AP3D1: variants seen among roughly 807,000 people sequenced by gnomAD.
AP3D1 encodes the protein adaptor related protein complex 3 subunit delta 1.
In AP3D1, 51 loss-of-function variants were observed where a neutral mutation model predicts 147.6. That is an observed-to-expected ratio of 0.35 (90% CI 0.28 to 0.44). The LOEUF is 0.44. Among genes scored for constraint, AP3D1 ranks in the 20% least tolerant of loss-of-function variants. The pLI is 1.00. For synonymous variants in AP3D1, 760 were observed against 663.0 expected (o/e 1.15, Z -2.25); for missense variants, 1,421 against 1,624.2 (o/e 0.87, Z 2.15).
chr19:2,106,675 G>T (rs1414285103), intron 31 of AP3D1, among the ~76,000 whole-genome samples: 1 of 152,162 alleles, frequency 6.6e-6, no homozygotes, highest in Non-Finnish European at 1.5e-5. Context: ...TGGATGAGTG[G>T]ACACACAGCA....
intron 31 of AP3D1, among the ~76,000 whole-genome samples, chr19:2,104,604 G>C (rs1180332163): frequency 6.6e-6 from 1 of 151,084 alleles, no homozygotes; most frequent in Non-Finnish European, 1.5e-5. Flanking sequence ...CCAACGTGCA[G>C]ACCCCAACAC....
At chr19:2,115,865 G>A (rs958630286) in intron 18 of AP3D1, among the ~76,000 whole-genome samples, 17 of 152,220 alleles carry the variant, frequency 1.1e-4, no homozygotes, top group Admixed American at 8.5e-4. Context: ...GCAAATCCTC[G>A]TTCACTTTTT....
chr19:2,140,966 C>T (rs902456702), intron 1 of AP3D1, among the ~76,000 whole-genome samples: 4 of 151,912 alleles, frequency 2.6e-5, no homozygotes, highest in African/African-American at 9.7e-5. Flanking sequence ...GCCACGTTGG[C>T]CAGGCTGGTC....
At chr19:2,135,970 G>A (rs2019065462) in intron 4 of AP3D1, among the ~76,000 whole-genome samples, 1 of 149,824 alleles carries the variant, frequency 6.7e-6, no homozygotes. Flanking sequence ...CTGCTACACG[G>A]CCACGACCCA....
At chr19:2,162,013 A>G (rs1340708675) in intron 1 of AP3D1, among the ~76,000 whole-genome samples, 2 of 151,256 alleles carry the variant, frequency 1.3e-5, no homozygotes, top group African/African-American at 4.8e-5. Flanking sequence ...CTTTCCAACA[A>G]CAAAGAAAAA....
intron 2 of AP3D1, among the ~76,000 whole-genome samples, chr19:2,138,340 G>A (rs960806064): frequency 6.6e-6 from 1 of 152,208 alleles, no homozygotes; most frequent in Non-Finnish European, 1.5e-5. Context: ...GACTGCAGGC[G>A]AGGGGCGTCC....
chr19:2,158,435 C>A lies in AP3D1; in HGVS notation c.-103+5921G>T, dbSNP rs191010136. Among the ~76,000 whole-genome samples, 297 of 150,958 alleles carry A rather than the reference C, an allele frequency of 2.0e-3. 1 individual carries two copies. The highest frequency in any genetic ancestry group is 6.7e-3 in the African/African-American group (274 of 41,004). On this transcript the variant is annotated intron_variant, in intron 1 of 14. Transcript: ENST00000643010. ...GGAGTGGCACCATCTGAGCTCACTG[C>A]AGCCTCAACTCCTGGGCTCAAGCAG...
intron 1 of AP3D1, among the ~76,000 whole-genome samples, chr19:2,147,082 C>T (rs1195649441): frequency 6.6e-6 from 1 of 152,176 alleles, no homozygotes; most frequent in Non-Finnish European, 1.5e-5. Flanking sequence ...TGGTGGCTCA[C>T]GCCTGTCATC....
At chr19:2,158,956 T>G (rs2019671547) in intron 1 of AP3D1, among the ~76,000 whole-genome samples, 1 of 151,704 alleles carries the variant, frequency 6.6e-6, no homozygotes, top group Non-Finnish European at 1.5e-5. Flanking sequence ...CAAAATGGAG[T>G]CGTCTAGGTC....
intron 4 of AP3D1, among the ~76,000 whole-genome samples, chr19:2,135,650 C>CCGAGG (rs1173380773): frequency 6.6e-6 from 1 of 152,178 alleles, no homozygotes; most frequent in Non-Finnish European, 1.5e-5. Flanking sequence ...CCACCTGCGT[C>CCGAGG]CGAGGCCAGG....
chr19:2,122,122 C>G (rs369970557), intron 11 of AP3D1, among the ~76,000 whole-genome samples: 2 of 152,168 alleles, frequency 1.3e-5, no homozygotes, highest in African/African-American at 4.8e-5. Flanking sequence ...GAAGGCCTCC[C>G]CTACCTACTA....
chr19:2,160,577 G>T (rs1366682840), intron 1 of AP3D1, among the ~76,000 whole-genome samples: 2 of 151,998 alleles, frequency 1.3e-5, no homozygotes, highest in Non-Finnish European at 2.9e-5. Flanking sequence ...GCCACACCTG[G>T]AGTCCAGTCC....
rs1340917299 is a variant in AP3D1, at chr19:2,128,494, G to A, written c.806+596C>T. Among the ~76,000 whole-genome samples the A allele has an allele frequency of 5.6e-3, 678 of 120,806 alleles. 8 individuals are homozygous for A. Among genetic ancestry groups the A allele is most frequent in the Non-Finnish European group, 9.3e-3 (529 of 57,146 alleles). The allele number at this position is 120,806 out of a possible 152,430, so 79.3% of individuals were successfully genotyped here. Reference sequence around the variant, plus strand: ...CCCCGCCGCTCCGACACTGCACCCCGTGGAGCCGGCCCGCCCCACAGCTCC... The same window carrying A: ...CCCCGCCGCTCCGACACTGCACCCCATGGAGCCGGCCCGCCCCACAGCTCC... On this transcript the variant is annotated intron_variant, in intron 8 of 31. Coordinates refer to ENST00000643116, the MANE Select transcript of AP3D1 (RefSeq NM_001261826.3).
At chr19:2,160,978 G>A (rs1339987403) in intron 1 of AP3D1, among the ~76,000 whole-genome samples, 1 of 151,908 alleles carries the variant, frequency 6.6e-6, no homozygotes, top group African/African-American at 2.4e-5. Flanking sequence ...CCTGGGTAAG[G>A]GATTCCAAGA....
chr19:2,146,521 T>C (rs2019360184), intron 1 of AP3D1, among the ~76,000 whole-genome samples: 1 of 151,236 alleles, frequency 6.6e-6, no homozygotes, highest in Non-Finnish European at 1.5e-5. Flanking sequence ...GGAGAATCAC[T>C]TGAACCCAGG....
chr19:2,133,831 C>T (rs1045029726), intron 4 of AP3D1, among the ~76,000 whole-genome samples: 5 of 147,620 alleles, frequency 3.4e-5, no homozygotes, highest in African/African-American at 4.9e-5. Context: ...ACACAGTGGC[C>T]GTGCGCGGTG....
At chr19:2,135,832 T>C (rs564233301) in intron 4 of AP3D1, among the ~76,000 whole-genome samples, 1 of 152,238 alleles carries the variant, frequency 6.6e-6, no homozygotes, top group East Asian at 1.9e-4. Context: ...GTGGCCCTCC[T>C]TGCTGGGCAG....
In AP3D1 at chr19:2,137,799, C is replaced by T. The variant is rs1301939447; in HGVS notation, c.201G>A (p.Met67Ile). The T allele has an allele frequency of 1.9e-6, 3 of 1,614,018 alleles. No homozygotes were observed. Among genetic ancestry groups the T allele is most frequent in the Non-Finnish European group, 2.5e-6 (3 of 1,179,948 alleles). ...NAVCKLTYLQ[M>I]LGYDISWAAF... ...CGGCCCAGCTGATGTCGTATCCCAA[C>T]ATCTGTAACTGTTAAGGGACGCACA... Residue 67 changes from methionine (M) to isoleucine (I), a missense_variant, in exon 3 of 32, where the codon ATG becomes ATA. Physicochemically the swap from Met to Ile is conservative, Grantham distance 10. This residue lies in a region of AP3D1 where 292 missense variants were observed against 412.0 expected (regional missense o/e 0.71). Coordinates refer to ENST00000643116, the MANE Select transcript of AP3D1 (RefSeq NM_001261826.3).
At chr19:2,153,704 TGGGC>T (rs1472496182), upstream of AP3D1, among the ~76,000 whole-genome samples, 1 of 151,292 alleles carries the variant, frequency 6.6e-6, no homozygotes, top group Admixed American at 6.6e-5. Context: ...GGGGAACTGC[TGGGC>T]ATGGTGGCTC....
Sources: allele counts gnomAD v4.1 joint callset (sites outside exome capture counted in the v4.1 genomes callset), GRCh38; gene constraint gnomAD v4.1.1; regional missense constraint gnomAD v4.1.1; transcripts MANE v1.5; gene names NCBI Gene and HGNC (gene_info 2026-07-23, HGNC 2026-07-21).